Variants in AHI1 observed in about 807,000 individuals in gnomAD.
AHI1 encodes the protein Abelson helper integration site 1, also known as jouberin.
AHI1 carries 123 observed loss-of-function variants against 149.3 expected under a neutral mutation model. The ratio of observed to expected loss-of-function variants is 0.82; its 90% confidence interval spans 0.71 to 0.96. The LOEUF (loss-of-function observed/expected upper bound fraction) is 0.96, where lower values mean the gene tolerates loss of function less well. Among genes scored for constraint, AHI1 ranks in the 40% least tolerant of loss-of-function variants. The pLI is 0.00. For missense variants in AHI1, 1,439 were observed against 1,422.7 expected (o/e 1.01, Z -0.18); for synonymous variants, 475 against 459.8 (o/e 1.03, Z -0.42).
chr6:135,378,482 C>T (rs564396883), intron 23 of AHI1, among the ~76,000 whole-genome samples: 3 of 152,116 alleles, frequency 2.0e-5, no homozygotes, highest in South Asian at 2.1e-4. Context: ...CTGTTCAAAT[C>T]GTATCGTTTG....
At chr6:135,301,225 A>AT (rs567320765) in intron 26 of AHI1, 8 of 983,922 alleles carry the variant, frequency 8.1e-6, no homozygotes, top group South Asian at 4.7e-5. Flanking sequence ...ACGAATTGCA[A>AT]TTTTTTTTAG....
At chr6:135,412,338 C>G (rs568500345) in intron 20 of AHI1, among the ~76,000 whole-genome samples, 1 of 152,150 alleles carries the variant, frequency 6.6e-6, no homozygotes, top group Non-Finnish European at 1.5e-5. Context: ...ACTTTAGCAT[C>G]CATAGATTTT....
Position 135,285,629 on chromosome 6 carries a change from A to ACTT in AHI1, c.*13_*15dup, listed in dbSNP as rs1781580772. 1.9e-6 allele frequency: 3 copies of ACTT among 1,607,814 alleles called. No individual in the cohort carries two copies. The highest frequency in any genetic ancestry group is 2.6e-6 in the Non-Finnish European group (3 of 1,176,342). On this transcript the variant is annotated 3_prime_UTR_variant, in exon 29 of 29. Transcript: ENST00000265602. ...CCTCTGTGCATTTCGGCAGCTCTTA[A>ACTT]CTTTTCTTCAATTCTTTACTGGAAA... is the stretch of plus-strand genomic sequence containing the variant.
intron 6 of AHI1, 116 bp downstream of exon 6, chr6:135,467,465 T>C: frequency 1.2e-6 from 1 of 806,148 alleles, no homozygotes; most frequent in South Asian, 1.6e-5. Flanking sequence ...AATAAAAGTT[T>C]AACTGATGTG....
At chr6:135,382,858 T>C (rs1776961437) in intron 23 of AHI1, among the ~76,000 whole-genome samples, 1 of 136,948 alleles carries the variant, frequency 7.3e-6, no homozygotes, top group South Asian at 2.3e-4. Flanking sequence ...AGCTGCTTGC[T>C]TGGTTCCAGG....
At chr6:135,286,731 T>G (rs1370529886) in intron 28 of AHI1, among the ~76,000 whole-genome samples, 1 of 152,206 alleles carries the variant, frequency 6.6e-6, no homozygotes, top group Non-Finnish European at 1.5e-5. Context: ...TGATGTTTCT[T>G]GATTTTAAAT....
rs1781502430 is a variant in AHI1 at position 135,284,558 on chromosome 6, A to G, written c.*1087T>C. ...AACTTCAAAACATATAGTCTATAAT[A>G]ATGACACTATTATTCTGGAACTTAG... On this transcript the variant is annotated 3_prime_UTR_variant, in exon 29 of 29. Coordinates refer to ENST00000265602, the MANE Select transcript of AHI1 (RefSeq NM_001134831.2). 1 of 151,762 alleles carries G rather than the reference A, an allele frequency of 6.6e-6. No individual in the cohort carries two copies. Among genetic ancestry groups the G allele is most frequent in the Non-Finnish European group, 1.5e-5 (1 of 68,044 alleles). The allele number at this position is 151,762 out of a possible 1,614,324, so 9.4% of individuals were successfully genotyped here. A position where few individuals can be genotyped will look rare whatever the true frequency, so the allele number is the denominator to read the frequency against.
chr6:135,336,369 G>A (rs1789386843), intron 24 of AHI1, among the ~76,000 whole-genome samples: 2 of 152,042 alleles, frequency 1.3e-5, no homozygotes, highest in African/African-American at 2.4e-5. Flanking sequence ...AGGCTGAGGT[G>A]GGCGGATCGC....
intron 24 of AHI1, among the ~76,000 whole-genome samples, chr6:135,353,306 C>T (rs1792445220): frequency 6.6e-6 from 1 of 151,932 alleles, no homozygotes; most frequent in Admixed American, 6.6e-5. Flanking sequence ...TATCAGTTCC[C>T]TCTCCACCCT....
intron 20 of AHI1, among the ~76,000 whole-genome samples, chr6:135,424,978 C>CTT (rs1326937403): frequency 6.6e-6 from 1 of 151,836 alleles, no homozygotes; most frequent in Non-Finnish European, 1.5e-5. Context: ...AGACAAAACT[C>CTT]TAATAGGTTG....
At chr6:135,287,510 C>T (rs991106314) in intron 28 of AHI1, among the ~76,000 whole-genome samples, 2 of 152,040 alleles carry the variant, frequency 1.3e-5, no homozygotes, top group Admixed American at 6.6e-5. Context: ...GCTTGATGAA[C>T]GCTAACAGCA....
chr6:135,330,955 T>G (rs1788501823), intron 24 of AHI1, among the ~76,000 whole-genome samples: 1 of 152,250 alleles, frequency 6.6e-6, no homozygotes, highest in Non-Finnish European at 1.5e-5. Context: ...TTCAATATTT[T>G]ATAATAAATT....
At chr6:135,398,954 CAGG>C (rs1300325812) in intron 22 of AHI1, among the ~76,000 whole-genome samples, 1 of 152,098 alleles carries the variant, frequency 6.6e-6, no homozygotes, top group Admixed American at 6.6e-5. Flanking sequence ...GAGGCTGAGG[CAGG>C]AGGATCACTT....
chr6:135,473,963 T>G (rs923935966), intron 5 of AHI1, among the ~76,000 whole-genome samples: 5 of 152,162 alleles, frequency 3.3e-5, no homozygotes, highest in African/African-American at 1.2e-4. Flanking sequence ...CTTCCAAGTA[T>G]CTATACAATT....
chr6:135,358,210 G>A, intron 23 of AHI1, 23 bp from the exon 24 acceptor site: 1 of 1,586,832 alleles, frequency 6.3e-7, no homozygotes, highest in Non-Finnish European at 8.5e-7. Flanking sequence ...AACATTGTGA[G>A]TATTTGGTTA....
At chr6:135,444,055 A>G (rs575575336) in intron 13 of AHI1, among the ~76,000 whole-genome samples, 3 of 152,132 alleles carry the variant, frequency 2.0e-5, no homozygotes, top group Non-Finnish European at 4.4e-5. Flanking sequence ...CACAACAGAC[A>G]CTCAATGAAA....
chr6:135,394,950 G>A (rs1779019309), intron 22 of AHI1, 54 bp from the exon 23 acceptor site: 9 of 1,535,636 alleles, frequency 5.9e-6, no homozygotes, highest in African/African-American at 1.4e-5. Context: ...GATTACTAAT[G>A]CAAAAACTGG....
At chr6:135,480,515 T>A (rs915681375) in intron 5 of AHI1, among the ~76,000 whole-genome samples, 2 of 152,082 alleles carry the variant, frequency 1.3e-5, no homozygotes, top group Non-Finnish European at 2.9e-5. Flanking sequence ...TTTCCTCCCA[T>A]ACTTTGTGCT....
intron 20 of AHI1, 114 bp from the exon 21 acceptor site, chr6:135,411,658 G>A: frequency 7.6e-6 from 6 of 789,950 alleles, no homozygotes; most frequent in South Asian, 4.3e-5. Flanking sequence ...TTAAAAACTG[G>A]GTAATAATAA....
Sources: gnomAD v4.1 joint callset for allele counts (sites outside exome capture counted in the v4.1 genomes callset) on GRCh38, gnomAD v4.1.1 for gene constraint, MANE v1.5 for transcripts, NCBI Gene and HGNC (gene_info 2026-07-23, HGNC 2026-07-21) for gene names.